Variants in ZNF600 observed in about 807,000 individuals in gnomAD.
ZNF600 encodes zinc finger protein KR-ZNF1.
A neutral mutation model predicts 7.3 loss-of-function variants in ZNF600; 4 were observed. The observed-to-expected ratio is 0.55, with a 90% CI of 0.27 to 1.25. The LOEUF (loss-of-function observed/expected upper bound fraction) is 1.25, where lower values mean the gene tolerates loss of function less well. Among genes scored for constraint, ZNF600 ranks in the 50% most tolerant of loss-of-function variants. The pLI is 0.12. For synonymous variants in ZNF600, 290 were observed against 308.9 expected (o/e 0.94, Z 0.64); for missense variants, 911 against 922.1 (o/e 0.99, Z 0.16).
the ZNF600 span, among the ~76,000 whole-genome samples, chr19:52,818,569 C>T: frequency 2.0e-5 from 3 of 151,886 alleles, no homozygotes; most frequent in East Asian, 1.9e-4. Flanking sequence ...AAAAAGTAGC[C>T]GGGCTTGATG....
At chr19:52,775,042 C>T (rs4801935) in intron 2 of ZNF600, among the ~76,000 whole-genome samples, 146,173 of 152,168 alleles carry the variant, frequency 0.96, 70,253 homozygotes, top group East Asian at 1. Flanking sequence ...GAGTTCGAGA[C>T]CACCCTGGCC....
the ZNF600 span, among the ~76,000 whole-genome samples, chr19:52,818,614 G>A: frequency 6.6e-6 from 1 of 152,160 alleles, no homozygotes. Context: ...GGAGGCTGAG[G>A]TAGAATTGCT....
chr19:52,795,479 A>C, the ZNF600 span, among the ~76,000 whole-genome samples: 1 of 152,076 alleles, frequency 6.6e-6, no homozygotes, highest in Non-Finnish European at 1.5e-5. Context: ...TGTGGGGTCA[A>C]AGAAATTTTT....
chr19:52,773,055 G>A (rs1479886549), intron 3 of ZNF600, among the ~76,000 whole-genome samples: 3 of 152,024 alleles, frequency 2.0e-5, no homozygotes, highest in African/African-American at 4.8e-5. Context: ...GGGCTCACGG[G>A]GAAATTGGGG....
chr19:52,800,228 T>C, the ZNF600 span: 7 of 1,613,546 alleles, frequency 4.3e-6, no homozygotes, highest in Non-Finnish European at 5.1e-6. Flanking sequence ...TATGATGACA[T>C]GCAAGGTTTG....
chr19:52,809,946 G>C, the ZNF600 span: 3 of 833,894 alleles, frequency 3.6e-6, no homozygotes, highest in African/African-American at 3.3e-5. Context: ...GGTTGCCCCG[G>C]GGGGCGCAGG....
intron 3 of ZNF600, among the ~76,000 whole-genome samples, chr19:52,770,207 G>A (rs2062620211): frequency 6.6e-6 from 1 of 152,140 alleles, no homozygotes; most frequent in Non-Finnish European, 1.5e-5. Flanking sequence ...TTTGGGAGGT[G>A]GAGACATGTG....
chr19:52,798,612 CTCCTG>C, the ZNF600 span: 1 of 437,582 alleles, frequency 2.3e-6, no homozygotes, highest in African/African-American at 2.2e-5. Flanking sequence ...GTGAGTTTCT[CTCCTG>C]TATGAATCCT....
At chr19:52,778,936 G>T in intron 1 of ZNF600, 29 bp from the exon 4 acceptor site, 4 of 1,572,048 alleles carry the variant, frequency 2.5e-6, no homozygotes, top group Non-Finnish European at 3.4e-6. Context: ...GAGACTTCTT[G>T]TTAGAAATGA....
chr19:52,768,561 A>AT (rs964119737), intron 3 of ZNF600, among the ~76,000 whole-genome samples: 1 of 151,608 alleles, frequency 6.6e-6, no homozygotes, highest in Non-Finnish European at 1.5e-5. Context: ...TTGTATTTTT[A>AT]TTTTTTTGAG....
chr19:52,771,047 C>T (rs953344752), intron 3 of ZNF600, among the ~76,000 whole-genome samples: 3 of 151,974 alleles, frequency 2.0e-5, no homozygotes, highest in Admixed American at 2.0e-4. Flanking sequence ...TGGTCAGGCT[C>T]GTTTCAATCT....
intron 2 of ZNF600, among the ~76,000 whole-genome samples, chr19:52,777,586 C>T (rs536080665): frequency 2.6e-5 from 4 of 152,272 alleles, no homozygotes; most frequent in African/African-American, 4.8e-5. Flanking sequence ...AATCCCAGCA[C>T]TTTGGGAGTC....
chr19:52,818,078 C>T, the ZNF600 span: 1 of 1,509,382 alleles, frequency 6.6e-7, no homozygotes. Flanking sequence ...CAACACATCC[C>T]CTCCCTGTAA....
At chr19:52,778,850 CTTT>C in exon 2 of ZNF600, 1 of 1,607,368 alleles carries the variant, frequency 6.2e-7, no homozygotes, top group South Asian at 1.1e-5. Context: ...TGCCTGGCTC[CTTT>C]CCTTTCCTCT....
exon 4 of ZNF600, chr19:52,766,490 G>T (rs1253404994): frequency 1.2e-6 from 2 of 1,613,476 alleles, no homozygotes; most frequent in East Asian, 2.2e-5. Flanking sequence ...TTTGACCAAA[G>T]GTCTTCCCAC....
At chr19:52,788,735 G>A (rs2147598952), upstream of ZNF600, among the ~76,000 whole-genome samples, 1 of 152,274 alleles carries the variant, frequency 6.6e-6, no homozygotes, top group South Asian at 2.1e-4. Flanking sequence ...TGGATCACAG[G>A]CTGATCTCAG....
chr19:52,781,078 T>C (rs997172072), intron 1 of ZNF600, 23 bp from the exon 3 acceptor site: 1 of 151,782 alleles, frequency 6.6e-6, no homozygotes, highest in Non-Finnish European at 1.5e-5. Flanking sequence ...TGGAGTCATG[T>C]AGGTGGGTTA....
chr19:52,815,503 T>C, the ZNF600 span, among the ~76,000 whole-genome samples: 2 of 141,072 alleles, frequency 1.4e-5, 1 homozygote, highest in African/African-American at 5.7e-5. Flanking sequence ...GGCAACAAGA[T>C]CATAACTCAG....
the ZNF600 span, chr19:52,798,982 A>C: frequency 9.2e-7 from 1 of 1,091,578 alleles, no homozygotes; most frequent in South Asian, 1.4e-5. Context: ...CCAGGTGTGA[A>C]TCACTCCCAA....
Sources: gnomAD v4.1 joint callset for allele counts (sites outside exome capture counted in the v4.1 genomes callset) on GRCh38, gnomAD v4.1.1 for gene constraint, MANE v1.5 for transcripts, NCBI Gene and HGNC (gene_info 2026-07-23, HGNC 2026-07-21) for gene names.